The following IQCH variants were observed in gnomAD, a reference collection of about 807,000 sequenced individuals.
IQCH encodes the protein IQ domain-containing protein H.
In IQCH, 98 loss-of-function variants were observed where a neutral mutation model predicts 117.0. The ratio of observed to expected loss-of-function variants is 0.84; its 90% CI spans 0.71 to 0.99. IQCH has a LOEUF of 0.99. IQCH is among the 50% of genes least tolerant of loss of function. The pLI, the probability that IQCH is intolerant of heterozygous loss-of-function variation, is 0.00. For missense variants in IQCH, 1,102 were observed against 1,243.8 expected, an observed-to-expected ratio of 0.89 and a Z score of 1.72; for synonymous variants, 412 against 448.2, an observed-to-expected ratio of 0.92 and a Z score of 1.02.
chr15:67,289,916 T>G (rs1966694467), intron 4 of IQCH, among the ~76,000 whole-genome samples: 1 of 152,128 alleles, frequency 6.6e-6, no homozygotes. Context: ...TAACAAAGTT[T>G]GAGTCTAAGC....
chr15:67,372,778 T>A, intron 9 of IQCH, 116 bp downstream of exon 9: 1 of 842,862 alleles, frequency 1.2e-6, no homozygotes, highest in Non-Finnish European at 1.9e-6. Context: ...TCTCCTTGCC[T>A]CAGACTCCCA....
chr15:67,485,601 T>C (rs1373435991), intron 18 of IQCH, among the ~76,000 whole-genome samples: 1 of 152,100 alleles, frequency 6.6e-6, no homozygotes, highest in Non-Finnish European at 1.5e-5. Flanking sequence ...ATAAGGAAAA[T>C]CACACCTGGG....
intron 4 of IQCH, among the ~76,000 whole-genome samples, chr15:67,303,357 A>G (rs1245345950): frequency 1.3e-5 from 2 of 152,112 alleles, no homozygotes; most frequent in East Asian, 1.9e-4. Flanking sequence ...CTGGAATTAG[A>G]TAGTGGTGAT....
chr15:67,336,879 A>T (rs996588879), intron 4 of IQCH, 96 bp from the exon 5 acceptor site: 1 of 1,209,510 alleles, frequency 8.3e-7, no homozygotes, highest in Non-Finnish European at 1.2e-6. Context: ...TTAAAACTTA[A>T]TGCAACTATT....
At position 67,474,195 on chromosome 15, in the gene IQCH, C is replaced by T. The variant is rs1220305664; in HGVS notation, c.2677-1501C>T. Among the ~76,000 whole-genome samples the T allele has an allele frequency of 6.6e-6, 1 of 151,908 alleles. No individual in the cohort carries two copies. Among genetic ancestry groups the T allele is most frequent in the Non-Finnish European group, 1.5e-5 (1 of 67,988 alleles). ...CAGTTCCCTTGCGTTATCTCAGAGA[C>T]AGGAGGCGAGCCAGAGGCCTGATTA... is the stretch of plus-strand genomic sequence containing the variant. On this transcript the variant is annotated intron_variant, in intron 17 of 20. Coordinates refer to ENST00000335894, the MANE Select transcript of IQCH (RefSeq NM_001031715.3). This position sits in a 1 kb window ranked among gnomAD's most constrained non-coding sequence, Gnocchi z 4.1.
Position 67,454,064 on chromosome 15 carries a change from T to G in IQCH, c.2506-11063T>G, listed in dbSNP as rs1476039355. Among the ~76,000 whole-genome samples, 1 of 152,210 alleles carries G rather than the reference T, an allele frequency of 6.6e-6. No homozygotes were observed. The highest frequency in any genetic ancestry group is 6.5e-5 in the Admixed American group (1 of 15,284). Reference sequence around the variant, plus strand: ...ATATAATCTCCTGGTGTGCTGTTTTTTAAGCCCGTTGGAAAAGCGCAGTAT... The same window carrying G: ...ATATAATCTCCTGGTGTGCTGTTTTGTAAGCCCGTTGGAAAAGCGCAGTAT... On this transcript the variant is annotated intron_variant, in intron 16 of 20. Transcript: ENST00000335894. The surrounding 1 kb of genome is among the most constrained non-coding windows in gnomAD (Gnocchi z 5.2).
At chr15:67,461,265 C>CA (rs1264014466) in intron 16 of IQCH, among the ~76,000 whole-genome samples, 1 of 152,192 alleles carries the variant, frequency 6.6e-6, no homozygotes, top group African/African-American at 2.4e-5. Context: ...ATGGGCCTGG[C>CA]ACGGAGGAGG....
chr15:67,355,369 G>A (rs1969847765), intron 6 of IQCH, among the ~76,000 whole-genome samples: 1 of 151,976 alleles, frequency 6.6e-6, no homozygotes, highest in Non-Finnish European at 1.5e-5. Flanking sequence ...GGTGGATCAC[G>A]AGATCAGGAG....
At position 67,430,237 on chromosome 15, in the gene IQCH, A is replaced by G. The variant is rs759819763; in HGVS notation, c.2505+8660A>G. The G allele has an allele frequency of 3.3e-5, 5 of 152,128 alleles. No individual in the cohort carries two copies. The highest frequency in any genetic ancestry group is 5.9e-5 in the Non-Finnish European group (4 of 68,034). The allele number at this position is 152,128 out of a possible 1,614,324, so 9.4% of individuals were successfully genotyped here. A position where few individuals can be genotyped will look rare whatever the true frequency, so the allele number is the denominator to read the frequency against. Reference sequence around the variant, plus strand: ...CAGTAAACAAATAGCAGCAAAAGCTATTTCCAAATCCTGATGGGTCCTGGA... The same window carrying G: ...CAGTAAACAAATAGCAGCAAAAGCTGTTTCCAAATCCTGATGGGTCCTGGA... On this transcript the variant is annotated intron_variant, in intron 16 of 20. Coordinates refer to ENST00000335894, the MANE Select transcript of IQCH (RefSeq NM_001031715.3). This position sits in a 1 kb window ranked among gnomAD's most constrained non-coding sequence, Gnocchi z 5.1.
chr15:67,279,305 G>T, intron 3 of IQCH, 90 bp from the exon 4 acceptor site: 1 of 685,232 alleles, frequency 1.5e-6, no homozygotes, highest in Non-Finnish European at 2.6e-6. Context: ...TAAAATATAA[G>T]CTTAATTAGG....
At position 67,384,990 on chromosome 15, in the gene IQCH, T is replaced by C; in HGVS notation, c.1427T>C (p.Met476Thr). ...HIADFNTQQN[M>T]QLGRLCDILD... ...GCCGATTTCAACACACAGCAGAACATGCAGCTGGGGAGGCTGTGTGACATC... is the reference window on the plus strand; with the variant it reads ...GCCGATTTCAACACACAGCAGAACACGCAGCTGGGGAGGCTGTGTGACATC... The change falls in exon 11 of 21, where the codon ATG (methionine) becomes ACG (threonine). Residue 476 changes from methionine to threonine, a missense_variant. Physicochemically the swap from Met to Thr is moderately conservative, Grantham distance 81. Transcript: ENST00000335894. This position sits in a 1 kb window ranked among gnomAD's most constrained non-coding sequence, Gnocchi z 4.3. The C allele has an allele frequency of 3.7e-6, 6 of 1,611,824 alleles. No individual in the cohort carries two copies. The highest frequency in any genetic ancestry group is 5.1e-6 in the Non-Finnish European group (6 of 1,178,162).
intron 4 of IQCH, among the ~76,000 whole-genome samples, chr15:67,315,105 TA>T (rs1423230736): frequency 6.6e-6 from 1 of 152,190 alleles, no homozygotes; most frequent in Non-Finnish European, 1.5e-5. Context: ...GCTGAACTCA[TA>T]AGAGACTGAT....
chr15:67,421,245 A>G, intron 15 of IQCH, 46 bp from the exon 16 acceptor site: 2 of 1,542,014 alleles, frequency 1.3e-6, no homozygotes, highest in Non-Finnish European at 1.8e-6. Flanking sequence ...CCCAAGTCAA[A>G]CAAAATGCAT....
At position 67,357,028 on chromosome 15, in the gene IQCH, T is replaced by G. The variant is rs182035264; in HGVS notation, c.638-317T>G. Among the ~76,000 whole-genome samples, 415 of 152,342 alleles carry G rather than the reference T, an allele frequency of 2.7e-3. 1 individual carries two copies. The highest frequency in any genetic ancestry group is 4.1e-3 in the Non-Finnish European group (276 of 68,032). On this transcript the variant is annotated intron_variant, in intron 6 of 20. Coordinates refer to ENST00000335894, the MANE Select transcript of IQCH (RefSeq NM_001031715.3). ...TAAAGAAATCTTCTAACAAAGCATTTTATAAGACAGATATTACTCTCTAAT... is the reference window on the plus strand; with the variant it reads ...TAAAGAAATCTTCTAACAAAGCATTGTATAAGACAGATATTACTCTCTAAT...
chr15:67,355,229 A>T (rs527968644), intron 6 of IQCH, among the ~76,000 whole-genome samples: 13 of 152,230 alleles, frequency 8.5e-5, no homozygotes, highest in African/African-American at 1.7e-4. Flanking sequence ...TCTTAAAAAA[A>T]TTTTTTTTCT....
intron 4 of IQCH, among the ~76,000 whole-genome samples, chr15:67,324,257 T>TA (rs1968290551): frequency 6.7e-6 from 1 of 149,902 alleles, no homozygotes; most frequent in Admixed American, 6.7e-5. Flanking sequence ...AAGCATTTCT[T>TA]AAAAGAAAGC....
chr15:67,465,270 C>CAA lies in IQCH; in HGVS notation c.2651_2652dup (p.Cys885AsnfsTer3), dbSNP rs750997233. 2 of 1,613,742 alleles carry CAA rather than the reference C, an allele frequency of 1.2e-6. No individual in the cohort carries two copies. The highest frequency in any genetic ancestry group is 2.7e-5 in the African/African-American group (2 of 74,834). On this transcript the variant is annotated frameshift_variant, in exon 17 of 21. Coordinates refer to ENST00000335894, the MANE Select transcript of IQCH (RefSeq NM_001031715.3). LOFTEE classifies it high-confidence loss of function. The surrounding 1 kb of genome is among the most constrained non-coding windows in gnomAD (Gnocchi z 5.9). The stretch of plus-strand genomic sequence containing the variant: ...TTGTTCCAAAGGAAAGGAAGAAAAC[C>CAA]AAATGCATGAGTGCGCTGTCAATGC...
rs1356903148 is a variant in IQCH at position 67,430,290 on chromosome 15, G to A, written c.2505+8713G>A. ...CAGGATCAATGATAAACAGTATCTA[G>A]TAGGTTCTAGGAGGGATATGAAGTA... is the stretch of plus-strand genomic sequence containing the variant. On this transcript the variant is annotated intron_variant, in intron 16 of 20. Transcript: ENST00000335894. The surrounding 1 kb of genome is among the most constrained non-coding windows in gnomAD (Gnocchi z 5.1). The A allele has an allele frequency of 6.6e-6, 1 of 152,116 alleles. No homozygotes were observed. Among genetic ancestry groups the A allele is most frequent in the Non-Finnish European group, 1.5e-5 (1 of 68,026 alleles). The allele number at this position is 152,116 out of a possible 1,614,324, so 9.4% of individuals were successfully genotyped here. A position where few individuals can be genotyped will look rare whatever the true frequency, so the allele number is the denominator to read the frequency against.
intron 16 of IQCH, among the ~76,000 whole-genome samples, chr15:67,444,542 G>T (rs2082351194): frequency 6.6e-6 from 1 of 152,044 alleles, no homozygotes; most frequent in African/African-American, 2.4e-5. Flanking sequence ...CAGAGTTTAG[G>T]GCAACCACTT....
Sources: gnomAD v4.1 joint callset for allele counts (sites outside exome capture counted in the v4.1 genomes callset) on GRCh38, gnomAD v4.1.1 for gene constraint, Gnocchi (gnomAD v3.1) non-coding constraint, MANE v1.5 for transcripts, NCBI Gene and HGNC (gene_info 2026-07-23, HGNC 2026-07-21) for gene names.